CCDC178: variants seen among roughly 807,000 people sequenced by gnomAD.
CCDC178 encodes coiled-coil domain containing 178, also known as coiled-coil domain-containing protein 178.
CCDC178 carries 126 observed loss-of-function variants against 117.4 expected under a neutral mutation model. The observed-to-expected ratio is 1.07, with a 90% CI of 0.93 to 1.24. The LOEUF is 1.24. CCDC178 is among the 50% of genes most tolerant of loss of function. The pLI is 0.00. For synonymous variants in CCDC178, 283 were observed against 313.4 expected, an observed-to-expected ratio of 0.90 and a Z score of 1.02; for missense variants, 1,030 against 986.9, an observed-to-expected ratio of 1.04 and a Z score of -0.59.
intron 20 of CCDC178, among the ~76,000 whole-genome samples, chr18:33,112,028 T>C (rs2057790222): frequency 6.6e-6 from 1 of 151,816 alleles, no homozygotes; most frequent in Admixed American, 6.6e-5. Flanking sequence ...TGAGAAAGTT[T>C]CAAATCAATG....
chr18:33,073,461 A>G (rs1285252023), intron 21 of CCDC178, among the ~76,000 whole-genome samples: 1 of 152,104 alleles, frequency 6.6e-6, no homozygotes, highest in Non-Finnish European at 1.5e-5. Flanking sequence ...TGTATATTGA[A>G]TTTGCTGACA....
intron 10 of CCDC178, among the ~76,000 whole-genome samples, chr18:33,326,556 G>T (rs2062587308): frequency 6.6e-6 from 1 of 152,166 alleles, no homozygotes; most frequent in Non-Finnish European, 1.5e-5. Flanking sequence ...CATATCTAGA[G>T]ACATGTGGGA....
At chr18:33,353,398 A>C (rs2063005068) in intron 7 of CCDC178, among the ~76,000 whole-genome samples, 1 of 152,168 alleles carries the variant, frequency 6.6e-6, no homozygotes, top group East Asian at 1.9e-4. Context: ...CCATTTATAT[A>C]AGAAGTAATT....
chr18:33,383,194 C>G (rs561933123), intron 5 of CCDC178, among the ~76,000 whole-genome samples: 1 of 152,282 alleles, frequency 6.6e-6, no homozygotes, highest in Admixed American at 6.5e-5. Context: ...AGGTCCAGCA[C>G]CAGTCAGGGG....
At chr18:32,975,533 A>G (rs1302642470) in intron 21 of CCDC178, among the ~76,000 whole-genome samples, 1 of 152,200 alleles carries the variant, frequency 6.6e-6, no homozygotes, top group East Asian at 1.9e-4. Flanking sequence ...GCATTTTCAA[A>G]GGGATAAACA....
At position 33,167,978 on chromosome 18, in the gene CCDC178, G is replaced by C. The variant is rs182815009; in HGVS notation, c.2238+43918C>G. 9.1e-3 allele frequency among the ~76,000 whole-genome samples: 1,391 copies of C among 152,098 alleles called. 12 individuals carry two copies. Among genetic ancestry groups the C allele is most frequent in the Middle Eastern group, 0.014 (4 of 294 alleles). ...TGTATTTAAGTTCCTTATAGGTTTTGGATATTAGACCTTTGTTGGATGTAT... is the reference window on the plus strand; with the variant it reads ...TGTATTTAAGTTCCTTATAGGTTTTCGATATTAGACCTTTGTTGGATGTAT... On this transcript the variant is annotated intron_variant, in intron 20 of 22. Transcript: ENST00000383096.
chr18:33,036,303 T>A (rs1330076169), intron 21 of CCDC178, among the ~76,000 whole-genome samples: 1 of 151,868 alleles, frequency 6.6e-6, no homozygotes, highest in Admixed American at 6.6e-5. Flanking sequence ...AAAATCTATT[T>A]ATTATATATT....
At chr18:32,989,380 T>C (rs559416708) in intron 21 of CCDC178, among the ~76,000 whole-genome samples, 1 of 152,306 alleles carries the variant, frequency 6.6e-6, no homozygotes, top group African/African-American at 2.4e-5. Context: ...TCTTATTGGA[T>C]GGAGAAGATG....
In CCDC178 at chr18:33,259,657, C is replaced by A. The variant is rs9959366; in HGVS notation, c.1409+7259G>T. Among the ~76,000 whole-genome samples, 221 of 152,182 alleles carry A rather than the reference C, an allele frequency of 1.5e-3. 2 individuals are homozygous for A. Among genetic ancestry groups the A allele is most frequent in the Middle Eastern group, 3.4e-3 (1 of 294 alleles). ...TGCCCCCATGATTCAATCACCCCCCCCCACCAGTCCCTCTCCCAACATGTG... is the reference window on the plus strand; with the variant it reads ...TGCCCCCATGATTCAATCACCCCCCACCACCAGTCCCTCTCCCAACATGTG... On this transcript the variant is annotated intron_variant, in intron 14 of 22. Transcript: ENST00000383096.
chr18:33,381,363 C>T (rs945417290), intron 5 of CCDC178, among the ~76,000 whole-genome samples: 1 of 152,106 alleles, frequency 6.6e-6, no homozygotes, highest in African/African-American at 2.4e-5. Flanking sequence ...AGAATTTAGT[C>T]AGTAACTTCC....
intron 14 of CCDC178, among the ~76,000 whole-genome samples, chr18:33,262,248 T>G (rs966257413): frequency 6.6e-5 from 10 of 152,204 alleles, no homozygotes; most frequent in Admixed American, 3.9e-4. Flanking sequence ...GCATTTTACA[T>G]CTAACATCTA....
intron 17 of CCDC178, among the ~76,000 whole-genome samples, chr18:33,223,917 A>G (rs1316422127): frequency 2.0e-5 from 3 of 152,126 alleles, no homozygotes; most frequent in African/African-American, 7.2e-5. Context: ...TGTTGTTTCC[A>G]TGCTTCATGA....
At chr18:32,962,163 C>T (rs1425948720) in intron 22 of CCDC178, among the ~76,000 whole-genome samples, 1 of 151,870 alleles carries the variant, frequency 6.6e-6, no homozygotes, top group Non-Finnish European at 1.5e-5. Flanking sequence ...AAGACTTGCA[C>T]CACAAAATTC....
intron 21 of CCDC178, among the ~76,000 whole-genome samples, chr18:33,046,891 G>C (rs566441156): frequency 6.6e-6 from 1 of 152,288 alleles, no homozygotes; most frequent in East Asian, 1.9e-4. Flanking sequence ...AAGACTGCAG[G>C]TATGGAGATA....
chr18:33,418,520 G>T (rs940110276), intron 2 of CCDC178, among the ~76,000 whole-genome samples: 3 of 151,778 alleles, frequency 2.0e-5, no homozygotes, highest in African/African-American at 7.3e-5. Context: ...TAAATAAAAC[G>T]CATCCAAATA....
intron 14 of CCDC178, among the ~76,000 whole-genome samples, chr18:33,265,856 G>A (rs1282148356): frequency 6.6e-6 from 1 of 152,018 alleles, no homozygotes; most frequent in Non-Finnish European, 1.5e-5. Flanking sequence ...GTGAGTTCAT[G>A]CCAGACATGA....
At chr18:32,961,217 C>T (rs2054697161) in intron 22 of CCDC178, among the ~76,000 whole-genome samples, 1 of 152,078 alleles carries the variant, frequency 6.6e-6, no homozygotes, top group South Asian at 2.1e-4. Context: ...TATAATTATA[C>T]ATTATTTTAT....
At chr18:33,261,353 G>A (rs1377324739) in intron 14 of CCDC178, among the ~76,000 whole-genome samples, 2 of 152,180 alleles carry the variant, frequency 1.3e-5, no homozygotes, top group Admixed American at 6.5e-5. Flanking sequence ...AAAGTTCTGG[G>A]ACTACAGGCT....
chr18:33,117,524 G>A lies in CCDC178; in HGVS notation c.2239-24614C>T, dbSNP rs138071520. On this transcript the variant is annotated intron_variant, in intron 20 of 22. Transcript: ENST00000383096. ...CAGGTTGATTACACTAAACTGCTTC[G>A]TTTATTGGACACAGGAAGGGGAACA... is the stretch of plus-strand genomic sequence containing the variant. Among the ~76,000 whole-genome samples the A allele has an allele frequency of 5.0e-4, 76 of 151,900 alleles. No individual in the cohort carries two copies. The East Asian group carries it at 0.013, about 27-fold the overall frequency.
Sources: gnomAD v4.1 joint callset for allele counts (sites outside exome capture counted in the v4.1 genomes callset) on GRCh38, gnomAD v4.1.1 for gene constraint, MANE v1.5 for transcripts, NCBI Gene and HGNC (gene_info 2026-07-23, HGNC 2026-07-21) for gene names.